The following ZFYVE26 variants were observed in gnomAD, a reference collection of about 807,000 sequenced individuals.
ZFYVE26 encodes zinc finger FYVE domain-containing protein 26.
A neutral mutation model predicts 276.5 loss-of-function variants in ZFYVE26; 181 were observed. The observed-to-expected ratio is 0.65, with a 90% CI of 0.58 to 0.74. The LOEUF (loss-of-function observed/expected upper bound fraction) is 0.74, where lower values mean the gene tolerates loss of function less well. Among genes scored for constraint, ZFYVE26 ranks in the 30% least tolerant of loss-of-function variants. The pLI is 0.00. For missense variants in ZFYVE26, 2,821 were observed against 3,097.9 expected, an observed-to-expected ratio of 0.91 and a Z score of 2.12; for synonymous variants, 1,129 against 1,203.1, an observed-to-expected ratio of 0.94 and a Z score of 1.27.
At position 67,767,218 on chromosome 14, in the gene ZFYVE26, A is replaced by G. The variant is rs191069788; in HGVS notation, c.5790+486T>C. Among the ~76,000 whole-genome samples the G allele has an allele frequency of 3.7e-4, 57 of 152,302 alleles. 2 individuals carry two copies. The South Asian group carries it at 8.1e-3, about 22-fold the overall frequency. On this transcript the variant is annotated intron_variant, in intron 31 of 41. Coordinates refer to ENST00000347230, the MANE Select transcript of ZFYVE26 (RefSeq NM_015346.4). The stretch of plus-strand genomic sequence containing the variant: ...TAGGCCCTTGAAACCTATCAAGTAG[A>G]TAGTCCTTACTGCAGAATGTAAGGC...
chr14:67,796,193 T>A (rs574870857), intron 12 of ZFYVE26: 6 of 150,852 alleles, frequency 4.0e-5, no homozygotes, highest in Admixed American at 2.0e-4. Context: ...TAATCTATTA[T>A]ATATTCTCAA....
chr14:67,798,297 G>A lies in ZFYVE26; in HGVS notation c.1965C>T (p.Asp655=). Residue 655 remains aspartate, a synonymous_variant, in exon 11 of 42, where the codon GAC becomes GAT. Transcript: ENST00000347230. ...TGTGCCTATGAGGCCCTGGGTAACT[G>A]TCTTTTGGCTCTGCCTTCACATGGC... ...MPSHVKAEPK[D]SYPGPHRHSF... is the part of the protein sequence containing the mutation. 1 of 1,614,124 alleles carries A rather than the reference G, an allele frequency of 6.2e-7. No homozygotes were observed. Among genetic ancestry groups the A allele is most frequent in the South Asian group, 1.1e-5 (1 of 91,074 alleles).
Position 67,784,454 on chromosome 14 carries a change from A to G in ZFYVE26, c.3524-18T>C, listed in dbSNP as rs752543766. 3.1e-6 allele frequency: 5 copies of G among 1,608,348 alleles called. No individual in the cohort carries two copies. In the African/African-American group the frequency reaches 5.3e-5, roughly 17 times the overall value. On this transcript the variant is annotated intron_variant, in intron 19 of 41. Coordinates refer to ENST00000347230, the MANE Select transcript of ZFYVE26 (RefSeq NM_015346.4). ...CACATGATCTGCAAAGGTAAAGAAC[A>G]TGATCTTTGTTTGCACCACTGACTG...
intron 27 of ZFYVE26, 82 bp downstream of exon 27, chr14:67,774,930 GCAAA>G (rs764603545): frequency 1.4e-6 from 1 of 704,808 alleles, no homozygotes; most frequent in Non-Finnish European, 2.2e-6. Context: ...AAAAAAAGAA[GCAAA>G]AAAAAAAAAA....
In ZFYVE26 at chr14:67,783,426, T is replaced by A. The variant is rs1289362625; in HGVS notation, c.3726A>T (p.Gln1242His). Residue 1242 changes from glutamine (Q) to histidine (H), a missense_variant, in exon 21 of 42, where the codon CAA (glutamine) becomes CAT (histidine). Transcript: ENST00000347230. ...CEPLALCSSR[Q>H]SQQTSSLLTR... ...TCAGGAGGGAGGAGGTCTGCTGGCT[T>A]TGCCGGGATGAGCAAAGAGCAAGGG... is the stretch of plus-strand genomic sequence containing the variant. The A allele has an allele frequency of 6.2e-7, 1 of 1,614,110 alleles. No individual in the cohort carries two copies. Among genetic ancestry groups the A allele is most frequent in the Admixed American group, 1.7e-5 (1 of 60,020 alleles).
intron 32 of ZFYVE26, 37 bp from the exon 33 acceptor site, chr14:67,762,856 TA>T (rs778403271): frequency 6.2e-7 from 1 of 1,611,992 alleles, no homozygotes; most frequent in Admixed American, 1.7e-5. Flanking sequence ...TGAGGCTCCC[TA>T]GTGTCTTACT....
chr14:67,753,901 G>T (rs1052590444), intron 38 of ZFYVE26, 135 bp from the exon 39 acceptor site: 17 of 1,475,728 alleles, frequency 1.2e-5, no homozygotes, highest in Non-Finnish European at 1.6e-5. Flanking sequence ...AGGCACTAGG[G>T]ATATAAGAAT....
At position 67,807,603 on chromosome 14, in the gene ZFYVE26, G is replaced by T. The variant is rs372110379; in HGVS notation, c.681C>A (p.Cys227Ter). ...ACTCAACCCCAAGTGGTTCTGCGGG[G>T]CAACGCAGAGTCCGCAGGGCTCCAT... Reference protein sequence around the residue: ...AIYGALRTLRCPAEPLGVELH... With the variant: ...AIYGALRTLR The change falls in exon 5 of 42, where the codon TGC becomes TGA. Residue 227 changes from cysteine (C) to a stop codon, truncating the protein, a stop_gained. Transcript: ENST00000347230. LOFTEE classifies it high-confidence loss of function. 6.2e-7 allele frequency: 1 copy of T among 1,614,096 alleles called. No homozygotes were observed. Among genetic ancestry groups the T allele is most frequent in the Admixed American group, 1.7e-5 (1 of 60,008 alleles).
chr14:67,746,300 C>A (rs1241274993), downstream of ZFYVE26, among the ~76,000 whole-genome samples: 8 of 149,400 alleles, frequency 5.4e-5, no homozygotes, highest in South Asian at 2.1e-4. Flanking sequence ...CCAACTGAAG[C>A]AAAAAAAAAA....
chr14:67,802,613 T>C (rs1032777545), intron 9 of ZFYVE26, among the ~76,000 whole-genome samples: 2 of 152,244 alleles, frequency 1.3e-5, no homozygotes, highest in African/African-American at 4.8e-5. Context: ...TGCCTCACCC[T>C]AGTTGCAGCC....
chr14:67,767,571 A>T, intron 31 of ZFYVE26, 133 bp downstream of exon 31: 1 of 1,214,116 alleles, frequency 8.2e-7, no homozygotes, highest in South Asian at 1.3e-5. Flanking sequence ...TAATGGATTT[A>T]CTGGTTTAGC....
Position 67,776,063 on chromosome 14 carries a change from T to C in ZFYVE26, c.5018A>G (p.His1673Arg), listed in dbSNP as rs766855281. 1 of 1,614,162 alleles carries C rather than the reference T, an allele frequency of 6.2e-7. No individual in the cohort carries two copies. Among genetic ancestry groups the C allele is most frequent in the Non-Finnish European group, 8.5e-7 (1 of 1,180,030 alleles). Residue 1673 changes from histidine to arginine, a missense_variant, in exon 26 of 42, where the codon CAC becomes CGC. By Grantham distance (29) the His-to-Arg change is conservative. Coordinates refer to ENST00000347230, the MANE Select transcript of ZFYVE26 (RefSeq NM_015346.4). ...LPEQHRASYS[H>R]LSSNPLFMLE... ...CATGAACAGGGGGTTAGAGGACAAG[T>C]GGGAATAGCTGGCCCGGTGCTGCTC...
intron 12 of ZFYVE26, chr14:67,796,999 A>G (rs540698035): frequency 6.6e-6 from 1 of 152,390 alleles, no homozygotes; most frequent in African/African-American, 2.4e-5. Context: ...AAATAATAAG[A>G]CCTACTTCAT....
In ZFYVE26 at chr14:67,737,963, G is replaced by A. The variant is rs191350087; in HGVS notation, n.2680-8144C>T. ...TAAATAGGAAATTTTCAGAAGAAAC[G>A]CAAATGGCCAATGTACCTAAGTCAA... On this transcript the variant is annotated intron_variant and non_coding_transcript_variant, in intron 13 of 14. Coordinates refer to the ZFYVE26 transcript ENST00000394455. 1.4e-4 allele frequency among the ~76,000 whole-genome samples: 22 copies of A among 152,254 alleles called. 1 individual carries two copies. The East Asian group carries it at 3.9e-3, about 27-fold the overall frequency.
At position 67,782,993 on chromosome 14, in the gene ZFYVE26, G is replaced by A. The variant is rs1381264309; in HGVS notation, c.4159C>T (p.Leu1387=). The change falls in exon 21 of 42, where the codon CTG becomes TTG. Residue 1387 remains leucine (L), a synonymous_variant. Transcript: ENST00000347230. ...GCCCAACCACAGAGATTCACTGCCAGACTCTGCCCCTGCTGCAAAGACCCT... is the reference window on the plus strand; with the variant it reads ...GCCCAACCACAGAGATTCACTGCCAAACTCTGCCCCTGCTGCAAAGACCCT... ...LRGSLQQGQS[L]AVNLCGWASL... 3 of 1,614,114 alleles carry A rather than the reference G, an allele frequency of 1.9e-6. No homozygotes were observed. In the East Asian group the frequency reaches 6.7e-5, roughly 36 times the overall value.
At chr14:67,802,597 C>T (rs2040100606) in intron 9 of ZFYVE26, among the ~76,000 whole-genome samples, 1 of 152,232 alleles carries the variant, frequency 6.6e-6, no homozygotes, top group African/African-American at 2.4e-5. Flanking sequence ...CCTTAAATGT[C>T]TCTCTTGCCT....
intron 14 of ZFYVE26, among the ~76,000 whole-genome samples, chr14:67,792,731 G>A (rs972297331): frequency 6.6e-6 from 1 of 151,404 alleles, no homozygotes; most frequent in East Asian, 1.9e-4. Context: ...GACAAACATC[G>A]CAAAACCTCA....
intron 12 of ZFYVE26, 76 bp downstream of exon 12, chr14:67,797,595 TG>T (rs756382344): frequency 9.5e-6 from 14 of 1,473,864 alleles, no homozygotes; most frequent in Non-Finnish European, 1.3e-5. Context: ...TTTGACCATG[TG>T]CTGTTTCTTA....
chr14:67,798,470 C>T lies in ZFYVE26; in HGVS notation c.1792G>A (p.Asp598Asn), dbSNP rs534140890. 1 of 1,614,180 alleles carries T rather than the reference C, an allele frequency of 6.2e-7. No homozygotes were observed. Among genetic ancestry groups the T allele is most frequent in the East Asian group, 2.2e-5 (1 of 44,886 alleles). ...DLHPEPHLPE[D>N]YAEDDDIEGK... is the part of the protein sequence containing the mutation. ...TCAATGTCATCATCCTCAGCATAGT[C>T]CTCAGGCAAGTGAGGCTCTGGGTGA... The change falls in exon 11 of 42, where the codon GAC (aspartate) becomes AAC (asparagine). Residue 598 changes from aspartate (D) to asparagine (N), a missense_variant. Transcript: ENST00000347230.
Sources: gnomAD v4.1 joint callset for allele counts (sites outside exome capture counted in the v4.1 genomes callset) on GRCh38, gnomAD v4.1.1 for gene constraint, MANE v1.5 for transcripts, NCBI Gene and HGNC (gene_info 2026-07-23, HGNC 2026-07-21) for gene names.